Variants in MACROD2 observed in about 807,000 individuals in gnomAD.
MACROD2 encodes the protein ADP-ribose glycohydrolase MACROD2.
MACROD2 carries 36 observed loss-of-function variants against 70.4 expected under a neutral mutation model. That is an observed-to-expected ratio of 0.51 (90% CI 0.39 to 0.68). MACROD2 has a LOEUF of 0.68. MACROD2 is among the 30% of genes least tolerant of loss of function. MACROD2 has a pLI of 0.00. For synonymous variants in MACROD2, 172 were observed against 178.8 expected, an observed-to-expected ratio of 0.96 and a Z score of 0.30; for missense variants, 496 against 538.4, an observed-to-expected ratio of 0.92 and a Z score of 0.78.
Position 14,820,448 on chromosome 20 carries a change from G to A in MACROD2, c.418+135489G>A, listed in dbSNP as rs201890319. Among the ~76,000 whole-genome samples, 3 of 139,626 alleles carry A rather than the reference G, an allele frequency of 2.1e-5. No individual in the cohort carries two copies. In the East Asian group the frequency reaches 6.3e-4, roughly 29 times the overall value. 91.6% of individuals were successfully genotyped at this position (139,626 alleles called of 152,430 possible). ...AAATACAGCTACTGTGATATCTTCT[G>A]CTGAACATGTGGCTCAACTTACTCA... is the stretch of plus-strand genomic sequence containing the variant. On this transcript the variant is annotated intron_variant, in intron 5 of 17. Coordinates refer to ENST00000684519, the MANE Select transcript of MACROD2 (RefSeq NM_001351661.2).
chr20:14,982,341 G>A (rs1219963958), intron 5 of MACROD2, among the ~76,000 whole-genome samples: 1 of 152,202 alleles, frequency 6.6e-6, no homozygotes, highest in African/African-American at 2.4e-5. Context: ...ATTTTCTGAG[G>A]AGAAATTCAA....
chr20:16,024,007 G>T (rs1157926296), intron 15 of MACROD2, among the ~76,000 whole-genome samples: 3 of 152,182 alleles, frequency 2.0e-5, no homozygotes, highest in Non-Finnish European at 4.4e-5. Context: ...CCCTGCAGCT[G>T]CAGTGGAGCT....
chr20:15,992,887 T>C (rs540162540), intron 15 of MACROD2, among the ~76,000 whole-genome samples: 1 of 152,332 alleles, frequency 6.6e-6, no homozygotes, highest in African/African-American at 2.4e-5. Flanking sequence ...ATTAGAGTTC[T>C]ACAACTCAAC....
intron 6 of MACROD2, among the ~76,000 whole-genome samples, chr20:15,269,929 C>T (rs1013881398): frequency 3.9e-5 from 6 of 152,142 alleles, no homozygotes; most frequent in Non-Finnish European, 8.8e-5. Context: ...AGGATAATAA[C>T]ACCTTAAGCT....
At chr20:14,958,409 C>G (rs1440902573) in intron 5 of MACROD2, among the ~76,000 whole-genome samples, 1 of 152,112 alleles carries the variant, frequency 6.6e-6, no homozygotes, top group African/African-American at 2.4e-5. Context: ...TCTTCTTGTC[C>G]TGCTTCCAGA....
At chr20:15,568,888 G>T (rs1292515147) in intron 8 of MACROD2, among the ~76,000 whole-genome samples, 2 of 152,168 alleles carry the variant, frequency 1.3e-5, no homozygotes, top group South Asian at 2.1e-4. Flanking sequence ...TGTGAATACA[G>T]GTTGGAGCTT....
chr20:15,612,800 T>A (rs2048987449), intron 8 of MACROD2, among the ~76,000 whole-genome samples: 1 of 152,234 alleles, frequency 6.6e-6, no homozygotes, highest in Non-Finnish European at 1.5e-5. Context: ...ACATTTCTGT[T>A]AAACATCTTA....
chr20:14,346,093 C>CAA (rs71190130), intron 3 of MACROD2, among the ~76,000 whole-genome samples: 659 of 41,174 alleles, frequency 0.016, 65 homozygotes, highest in Middle Eastern at 0.12. Flanking sequence ...GATTCTGCCT[C>CAA]AAAAAAAAAA....
chr20:14,884,083 ACTCT>A (rs2073641978), intron 5 of MACROD2, among the ~76,000 whole-genome samples: 2 of 152,128 alleles, frequency 1.3e-5, no homozygotes, highest in Admixed American at 6.6e-5. Context: ...AGTAAAGCAC[ACTCT>A]CTTCTTTCCT....
chr20:15,045,442 C>G (rs1055795287), intron 5 of MACROD2, among the ~76,000 whole-genome samples: 1 of 152,070 alleles, frequency 6.6e-6, no homozygotes, highest in African/African-American at 2.4e-5. Context: ...ATTTGAGGCC[C>G]GGGGGAGAAA....
chr20:14,068,192 C>G (rs954105007), intron 2 of MACROD2, among the ~76,000 whole-genome samples: 1 of 152,166 alleles, frequency 6.6e-6, no homozygotes, highest in East Asian at 1.9e-4. Flanking sequence ...ATTCCCCTGC[C>G]TCTCTTCCTA....
At chr20:14,540,079 C>T (rs1212269883) in intron 4 of MACROD2, among the ~76,000 whole-genome samples, 1 of 152,130 alleles carries the variant, frequency 6.6e-6, no homozygotes, top group Non-Finnish European at 1.5e-5. Context: ...TATTCACATA[C>T]ATTTTTAAAG....
intron 6 of MACROD2, among the ~76,000 whole-genome samples, chr20:15,336,657 T>A (rs2078051836): frequency 6.6e-6 from 1 of 151,730 alleles, no homozygotes; most frequent in South Asian, 2.1e-4. Context: ...GAATTAAACC[T>A]TTAGCCCTGT....
At chr20:15,045,665 TCAAA>T (rs1013176675) in intron 5 of MACROD2, among the ~76,000 whole-genome samples, 1 of 146,946 alleles carries the variant, frequency 6.8e-6, no homozygotes, top group Non-Finnish European at 1.5e-5. Context: ...AGATTTTTAA[TCAAA>T]CAAATTGGTT....
At chr20:15,949,135 T>C (rs1387845550) in intron 12 of MACROD2, among the ~76,000 whole-genome samples, 3 of 152,220 alleles carry the variant, frequency 2.0e-5, no homozygotes, top group Admixed American at 1.3e-4. Context: ...GGTAATGTTT[T>C]TAGCTTGTGC....
At chr20:14,277,319 G>GC (rs1239176644) in intron 3 of MACROD2, among the ~76,000 whole-genome samples, 2 of 152,078 alleles carry the variant, frequency 1.3e-5, no homozygotes, top group Admixed American at 6.6e-5. Flanking sequence ...ATGGTGGCAC[G>GC]CACCTGTAGT....
intron 5 of MACROD2, among the ~76,000 whole-genome samples, chr20:15,085,560 C>T (rs757366737): frequency 6.6e-6 from 1 of 151,930 alleles, no homozygotes; most frequent in Non-Finnish European, 1.5e-5. Flanking sequence ...AGACAAAGAG[C>T]TCAGTTTAAT....
chr20:14,272,709 A>G (rs2082207909), intron 3 of MACROD2, among the ~76,000 whole-genome samples: 1 of 151,990 alleles, frequency 6.6e-6, no homozygotes, highest in African/African-American at 2.4e-5. Flanking sequence ...CAAATTGGAT[A>G]AAGAGTCAAG....
intron 3 of MACROD2, among the ~76,000 whole-genome samples, chr20:14,116,261 A>T (rs2054512438): frequency 6.6e-6 from 1 of 152,242 alleles, no homozygotes; most frequent in Non-Finnish European, 1.5e-5. Context: ...ATTAAAACGC[A>T]ATTACCAAAT....
Sources: allele counts gnomAD v4.1 joint callset (sites outside exome capture counted in the v4.1 genomes callset), GRCh38; gene constraint gnomAD v4.1.1; transcripts MANE v1.5; gene names NCBI Gene and HGNC (gene_info 2026-07-23, HGNC 2026-07-21).